The following DNAL1 variants were observed in gnomAD, a reference collection of about 807,000 sequenced individuals.
DNAL1 encodes chromosome 14 open reading frame 168.
DNAL1 carries 17 observed loss-of-function variants against 29.4 expected under a neutral mutation model. The observed-to-expected ratio is 0.58, with a 90% CI of 0.40 to 0.87. DNAL1 has a LOEUF of 0.87. Ranked by LOEUF, DNAL1 falls within the 40% of genes least tolerant of loss-of-function variation. The pLI is 0.00. For missense variants in DNAL1, 188 were observed against 214.1 expected (o/e 0.88, Z 0.76); for synonymous variants, 78 against 76.3 (o/e 1.02, Z -0.12).
chr14:73,694,935 C>T (rs531952182), intron 7 of DNAL1, among the ~76,000 whole-genome samples: 2 of 152,154 alleles, frequency 1.3e-5, no homozygotes, highest in South Asian at 2.1e-4. Context: ...GTGATCCACC[C>T]GCCTCGGCCT....
intron 7 of DNAL1, among the ~76,000 whole-genome samples, chr14:73,692,196 T>C (rs931401314): frequency 6.6e-6 from 1 of 151,944 alleles, no homozygotes; most frequent in African/African-American, 2.4e-5. Flanking sequence ...AAGAATAAAA[T>C]AGAGGCCGGG....
chr14:73,678,573 T>C (rs915795714), intron 5 of DNAL1, among the ~76,000 whole-genome samples: 2 of 151,022 alleles, frequency 1.3e-5, no homozygotes, highest in African/African-American at 4.9e-5. Context: ...GGAGTAGCAG[T>C]TGTGAACAGG....
intron 2 of DNAL1, among the ~76,000 whole-genome samples, chr14:73,655,860 T>G (rs1344492657): frequency 6.6e-6 from 1 of 152,160 alleles, no homozygotes; most frequent in Non-Finnish European, 1.5e-5. Flanking sequence ...GGAAACTACA[T>G]TGTAAAAGAC....
chr14:73,651,668 A>G (rs1891116200), intron 1 of DNAL1, among the ~76,000 whole-genome samples: 1 of 151,842 alleles, frequency 6.6e-6, no homozygotes. Context: ...TTTATTTTTT[A>G]TTTTGGAGAC....
In DNAL1 at chr14:73,687,305, T is replaced by G; in HGVS notation, c.311T>G (p.Phe104Cys). The G allele has an allele frequency of 6.2e-7, 1 of 1,613,392 alleles. No homozygotes were observed. ...GAAGAACTGTGGATCTCCTACAATT[T>G]TATTGAGAAGTTGAAAGGGATCCAC... The part of the protein sequence containing the change: ...TLEELWISYN[F>C]IEKLKGIHIM... The change falls in exon 6 of 8, where the codon TTT becomes TGT. Residue 104 changes from phenylalanine (F) to cysteine (C), a missense_variant. Transcript: ENST00000553645.
chr14:73,677,259 C>T (rs971066414), intron 5 of DNAL1, among the ~76,000 whole-genome samples: 13 of 152,080 alleles, frequency 8.5e-5, no homozygotes, highest in African/African-American at 4.8e-5. Flanking sequence ...CATGAGCCAC[C>T]GCGCCCAGCC....
chr14:73,690,205 A>G (rs1892137802), intron 7 of DNAL1, among the ~76,000 whole-genome samples: 1 of 152,092 alleles, frequency 6.6e-6, no homozygotes, highest in Non-Finnish European at 1.5e-5. Context: ...CCCTGTATTT[A>G]TTTTTAAAAA....
intron 1 of DNAL1, among the ~76,000 whole-genome samples, chr14:73,647,124 C>A (rs561973589): frequency 6.6e-6 from 1 of 151,686 alleles, no homozygotes; most frequent in South Asian, 2.1e-4. Flanking sequence ...TTTGGTAGGC[C>A]GAGGTGGGCG....
chr14:73,687,470 G>A, intron 6 of DNAL1, 85 bp downstream of exon 6: 1 of 1,396,350 alleles, frequency 7.2e-7, no homozygotes, highest in Non-Finnish European at 9.4e-7. Context: ...AAACGAGAAC[G>A]TTTATTTCTA....
intron 4 of DNAL1, among the ~76,000 whole-genome samples, chr14:73,666,679 C>T (rs1891488421): frequency 6.6e-6 from 1 of 151,896 alleles, no homozygotes; most frequent in South Asian, 2.1e-4. Flanking sequence ...TTTTCATGTG[C>T]AGTTTTTCAA....
chr14:73,661,667 C>T (rs1174078112), intron 3 of DNAL1, among the ~76,000 whole-genome samples: 1 of 152,020 alleles, frequency 6.6e-6, no homozygotes, highest in Admixed American at 6.5e-5. Context: ...ATTGCTTGAA[C>T]CGGGGAGGTG....
At chr14:73,668,454 A>G (rs1458896359) in intron 4 of DNAL1, among the ~76,000 whole-genome samples, 1 of 152,186 alleles carries the variant, frequency 6.6e-6, no homozygotes, top group Admixed American at 6.6e-5. Flanking sequence ...AAGAATAATT[A>G]TGTGATTTTC....
At chr14:73,657,083 C>G (rs1891235817) in intron 2 of DNAL1, among the ~76,000 whole-genome samples, 1 of 151,734 alleles carries the variant, frequency 6.6e-6, no homozygotes, top group South Asian at 2.1e-4. Flanking sequence ...TGTGCCCGGC[C>G]TATTTTCTAT....
intron 5 of DNAL1, among the ~76,000 whole-genome samples, chr14:73,681,758 G>A (rs1381319630): frequency 6.7e-6 from 1 of 149,644 alleles, no homozygotes; most frequent in Non-Finnish European, 1.5e-5. Context: ...TCACACCACT[G>A]CACTCCAGCC....
chr14:73,654,773 C>A, intron 1 of DNAL1, 74 bp from the exon 2 acceptor site: 3 of 1,310,344 alleles, frequency 2.3e-6, no homozygotes, highest in South Asian at 1.5e-5. Flanking sequence ...TAAATACATA[C>A]ATACATACAT....
chr14:73,652,539 G>A (rs544630412), intron 1 of DNAL1, among the ~76,000 whole-genome samples: 84 of 152,152 alleles, frequency 5.5e-4, no homozygotes, highest in African/African-American at 2.0e-3. Flanking sequence ...GCCTCCCAAA[G>A]CGCTGGGATT....
chr14:73,657,429 C>T (rs1891244494), intron 2 of DNAL1, among the ~76,000 whole-genome samples: 1 of 152,058 alleles, frequency 6.6e-6, no homozygotes, highest in Non-Finnish European at 1.5e-5. Flanking sequence ...AGTCCTCCTG[C>T]TTTGGCCTCC....
At chr14:73,682,337 A>ATTTTTTTTTTTTTT (rs57403758) in intron 5 of DNAL1, among the ~76,000 whole-genome samples, 9 of 93,412 alleles carry the variant, frequency 9.6e-5, no homozygotes, top group Admixed American at 1.4e-4. Flanking sequence ...TGCCTGGCTA[A>ATTTTTTTTTTTTTT]TTTTTTTTTT....
At chr14:73,692,757 A>C (rs931896655) in intron 7 of DNAL1, among the ~76,000 whole-genome samples, 3 of 152,148 alleles carry the variant, frequency 2.0e-5, no homozygotes, top group African/African-American at 7.2e-5. Flanking sequence ...AACCAGTGGG[A>C]TAGACCAGAA....
Sources: gnomAD v4.1 joint callset for allele counts (sites outside exome capture counted in the v4.1 genomes callset) on GRCh38, gnomAD v4.1.1 for gene constraint, MANE v1.5 for transcripts, NCBI Gene and HGNC (gene_info 2026-07-23, HGNC 2026-07-21) for gene names.